Variants in ABTB3 observed in about 807,000 individuals in gnomAD.
ABTB3 encodes the protein ankyrin repeat and BTB domain containing 3, also known as ankyrin repeat- and BTB/POZ domain-containing protein 3.
chr12:107,618,265 C>A, the ABTB3 span: 1 of 1,613,682 alleles, frequency 6.2e-7, no homozygotes. Flanking sequence ...ACAGCCCCGC[C>A]CCCCTTGTGC....
At chr12:107,358,470 A>G in the ABTB3 span, among the ~76,000 whole-genome samples, 6 of 152,222 alleles carry the variant, frequency 3.9e-5, no homozygotes. Flanking sequence ...AGTGGAGGAT[A>G]TAAGTTCAGA....
At chr12:107,402,037 G>T in the ABTB3 span, among the ~76,000 whole-genome samples, 4 of 151,090 alleles carry the variant, frequency 2.6e-5, no homozygotes, top group African/African-American at 9.7e-5. Context: ...GATGGAGATC[G>T]GTGTAAAAAA....
At chr12:107,508,520 T>C in the ABTB3 span, among the ~76,000 whole-genome samples, 4 of 142,152 alleles carry the variant, frequency 2.8e-5, no homozygotes, top group South Asian at 4.8e-4. Context: ...AGTGGCATGA[T>C]CTCGGCTCAT....
At chr12:107,520,788 A>G in the ABTB3 span, 3 of 971,762 alleles carry the variant, frequency 3.1e-6, no homozygotes, top group Non-Finnish European at 4.4e-6. Flanking sequence ...TGTACACTAA[A>G]CAATGCCAGT....
At chr12:107,451,606 G>A in the ABTB3 span, among the ~76,000 whole-genome samples, 2 of 152,116 alleles carry the variant, frequency 1.3e-5, no homozygotes, top group African/African-American at 4.8e-5. Context: ...GGCAGGCAAG[G>A]CCATTGGAAT....
At chr12:107,345,602 C>T in the ABTB3 span, among the ~76,000 whole-genome samples, 1 of 152,180 alleles carries the variant, frequency 6.6e-6, no homozygotes, top group Non-Finnish European at 1.5e-5. Flanking sequence ...AGGACACCCC[C>T]AACCCTGGAG....
At chr12:107,610,381 G>A in the ABTB3 span, 12 of 1,608,968 alleles carry the variant, frequency 7.5e-6, no homozygotes, top group Admixed American at 3.3e-5. Flanking sequence ...GTCTGAACAG[G>A]CTCCCCACCT....
the ABTB3 span, among the ~76,000 whole-genome samples, chr12:107,641,102 C>T: frequency 1.3e-5 from 2 of 152,286 alleles, no homozygotes; most frequent in African/African-American, 4.8e-5. Flanking sequence ...AGAAATGGAA[C>T]TTCCTTCCAG....
At chr12:107,356,905 A>T in the ABTB3 span, among the ~76,000 whole-genome samples, 1 of 152,234 alleles carries the variant, frequency 6.6e-6, no homozygotes, top group Non-Finnish European at 1.5e-5. Flanking sequence ...TGTCCTTCAG[A>T]ATCAGACCAT....
chr12:107,373,874 G>T, the ABTB3 span, among the ~76,000 whole-genome samples: 1 of 152,198 alleles, frequency 6.6e-6, no homozygotes, highest in Non-Finnish European at 1.5e-5. Flanking sequence ...ACTTGTGGGG[G>T]AACTGAATGC....
chr12:107,522,782 AGAAG>A, the ABTB3 span, among the ~76,000 whole-genome samples: 4 of 134,682 alleles, frequency 3.0e-5, no homozygotes, highest in African/African-American at 1.1e-4. Flanking sequence ...AAAGAAGGAA[AGAAG>A]GAAGGGAGGG....
At chr12:107,494,590 G>C in the ABTB3 span, among the ~76,000 whole-genome samples, 5 of 152,174 alleles carry the variant, frequency 3.3e-5, no homozygotes, top group Non-Finnish European at 7.3e-5. Context: ...AAAAGGTCAC[G>C]GGAGTTTCTG....
chr12:107,457,957 G>A, the ABTB3 span, among the ~76,000 whole-genome samples: 3 of 152,216 alleles, frequency 2.0e-5, no homozygotes, highest in Non-Finnish European at 4.4e-5. Flanking sequence ...ACCTTGCTGA[G>A]CCTCAGTTTC....
the ABTB3 span, among the ~76,000 whole-genome samples, chr12:107,331,082 C>T: frequency 6.6e-6 from 1 of 152,190 alleles, no homozygotes; most frequent in Non-Finnish European, 1.5e-5. Context: ...CCTTCCTAAT[C>T]CCAGCTCAGG....
chr12:107,525,325 A>G, the ABTB3 span, among the ~76,000 whole-genome samples: 1 of 64,150 alleles, frequency 1.6e-5, no homozygotes, highest in Admixed American at 1.9e-4. Context: ...AGATCCTGTC[A>G]AAAAAAAAAA....
the ABTB3 span, among the ~76,000 whole-genome samples, chr12:107,468,247 C>T: frequency 1.3e-5 from 2 of 152,168 alleles, no homozygotes; most frequent in African/African-American, 4.8e-5. Context: ...GGCAAGAGTG[C>T]AGGTGAGCTG....
the ABTB3 span, among the ~76,000 whole-genome samples, chr12:107,572,308 G>A: frequency 2.0e-5 from 3 of 152,010 alleles, no homozygotes; most frequent in Non-Finnish European, 2.9e-5. Flanking sequence ...TGAGAGAGGG[G>A]AGGGCCTGCA....
chr12:107,412,557 C>T, the ABTB3 span, among the ~76,000 whole-genome samples: 8 of 152,122 alleles, frequency 5.3e-5, no homozygotes, highest in East Asian at 3.9e-4. Context: ...TTCACAGGTC[C>T]GAAAACTGGG....
At chr12:107,410,800 C>T in the ABTB3 span, among the ~76,000 whole-genome samples, 1 of 152,070 alleles carries the variant, frequency 6.6e-6, no homozygotes, top group African/African-American at 2.4e-5. Flanking sequence ...TGGGTTTCAT[C>T]CTAGGCTAGC....
Sources: gnomAD v4.1 joint callset for allele counts (sites outside exome capture counted in the v4.1 genomes callset) on GRCh38, gnomAD v4.1.1 for gene constraint, MANE v1.5 for transcripts, NCBI Gene and HGNC (gene_info 2026-07-23, HGNC 2026-07-21) for gene names.